CSMD2: variants seen among roughly 807,000 people sequenced by gnomAD.
CSMD2 encodes CUB and sushi domain-containing protein 2.
Under a neutral mutation model 398.5 loss-of-function variants are expected in CSMD2, and 130 were observed. That is an observed-to-expected ratio of 0.33 (90% CI 0.28 to 0.38). CSMD2 has a LOEUF of 0.38. Ranked by LOEUF, CSMD2 falls within the 10% of genes least tolerant of loss-of-function variation. CSMD2 has a pLI of 1.00. For missense variants in CSMD2, 3,829 were observed against 4,764.9 expected (o/e 0.80, Z 5.78); for synonymous variants, 1,828 against 1,908.5 (o/e 0.96, Z 1.10).
chr1:33,923,389 C>G (rs1254235430), intron 4 of CSMD2, among the ~76,000 whole-genome samples: 1 of 152,132 alleles, frequency 6.6e-6, no homozygotes, highest in East Asian at 1.9e-4. Context: ...TGCCTGCTCC[C>G]ACTTCACCTT....
intron 1 of CSMD2, among the ~76,000 whole-genome samples, chr1:34,103,329 C>T (rs1226409087): frequency 4.6e-5 from 6 of 129,552 alleles, no homozygotes; most frequent in African/African-American, 9.0e-5. Flanking sequence ...GCCAGATTCT[C>T]GCTCTGTCAA....
At chr1:33,995,372 A>G (rs1433201138) in intron 3 of CSMD2, among the ~76,000 whole-genome samples, 1 of 152,224 alleles carries the variant, frequency 6.6e-6, no homozygotes, top group African/African-American at 2.4e-5. Context: ...CACTGTCACC[A>G]TCAGAGGCTG....
At chr1:33,539,692 A>G (rs1408299068) in intron 60 of CSMD2, among the ~76,000 whole-genome samples, 4 of 152,190 alleles carry the variant, frequency 2.6e-5, no homozygotes, top group Non-Finnish European at 4.4e-5. Context: ...CATGATGACC[A>G]TAATTCATTG....
chr1:34,005,031 C>T (rs917525203), intron 3 of CSMD2, among the ~76,000 whole-genome samples: 1 of 152,198 alleles, frequency 6.6e-6, no homozygotes, highest in South Asian at 2.1e-4. Context: ...TAGAATCCCC[C>T]ACCACTTTCC....
At chr1:33,890,520 G>A (rs1211502722) in intron 5 of CSMD2, among the ~76,000 whole-genome samples, 3 of 152,094 alleles carry the variant, frequency 2.0e-5, no homozygotes, top group African/African-American at 4.8e-5. Context: ...ATGAGACACC[G>A]TGCCCTGCCT....
At chr1:33,975,672 G>C (rs1645936142) in intron 3 of CSMD2, among the ~76,000 whole-genome samples, 1 of 152,090 alleles carries the variant, frequency 6.6e-6, no homozygotes, top group Non-Finnish European at 1.5e-5. Context: ...ACCACCAGGG[G>C]GGAGGGGAGG....
At position 33,577,386 on chromosome 1, in the gene CSMD2, C is replaced by T. The variant is rs146054660; in HGVS notation, c.7486G>A (p.Gly2496Ser). Reference protein sequence around the residue: ...GGSIHFGCNAGYRLVGHSMAI... With the variant: ...GGSIHFGCNASYRLVGHSMAI... ...ATGCTGTGTCCCACCAGGCGGTAGC[C>T]GGCGTTGCAGCCAAAGTGGATGGAG... Residue 2496 changes from glycine (G) to serine (S), a missense_variant, in exon 49 of 71, where the codon GGC becomes AGC. Transcript: ENST00000373381. 79 of 1,614,132 alleles carry T rather than the reference C, an allele frequency of 4.9e-5. No homozygotes were observed. In the African/African-American group the frequency reaches 6.4e-4, roughly 13 times the overall value.
intron 58 of CSMD2, 30 bp from the exon 59 acceptor site, chr1:33,541,339 C>T (rs756284597): frequency 5.7e-6 from 9 of 1,588,266 alleles, no homozygotes; most frequent in South Asian, 1.1e-5. Flanking sequence ...GCATTGTTCA[C>T]TCCTGGCCAG....
At position 33,624,808 on chromosome 1, in the gene CSMD2, C is replaced by T. The variant is rs1642000012; in HGVS notation, c.5501-165G>A. ...TTCTCCACGGCCTCTCCCCATGCAA[C>T]TCTGTTCGGGGCCCTGGGCCCAGCT... On this transcript the variant is annotated intron_variant, in intron 34 of 70. Transcript: ENST00000373381. This position sits in a 1 kb window ranked among gnomAD's most constrained non-coding sequence, Gnocchi z 4.7. Among the ~76,000 whole-genome samples the T allele has an allele frequency of 6.6e-6, 1 of 152,170 alleles. No homozygotes were observed.
chr1:33,821,546 C>T (rs561375671), intron 7 of CSMD2, among the ~76,000 whole-genome samples: 1 of 152,264 alleles, frequency 6.6e-6, no homozygotes, highest in South Asian at 2.1e-4. Context: ...CGGCATTTTC[C>T]AACTTTGCGC....
At chr1:33,637,434 C>A (rs1359773933) in intron 29 of CSMD2, among the ~76,000 whole-genome samples, 1 of 152,176 alleles carries the variant, frequency 6.6e-6, no homozygotes, top group Non-Finnish European at 1.5e-5. Flanking sequence ...CAAACAAGAC[C>A]ACTCTTGACA....
At chr1:34,129,463 A>C (rs1374834816) in intron 1 of CSMD2, among the ~76,000 whole-genome samples, 2 of 152,226 alleles carry the variant, frequency 1.3e-5, no homozygotes, top group East Asian at 3.9e-4. Context: ...CATCCTGGCT[A>C]ACACGGTGAA....
chr1:33,647,572 T>G (rs1398858467), intron 28 of CSMD2, among the ~76,000 whole-genome samples: 1 of 152,174 alleles, frequency 6.6e-6, no homozygotes, highest in Non-Finnish European at 1.5e-5. Context: ...CAAAATAAAC[T>G]CACACTAACT....
At chr1:33,585,241 C>T (rs927423957) in intron 46 of CSMD2, among the ~76,000 whole-genome samples, 1 of 152,106 alleles carries the variant, frequency 6.6e-6, no homozygotes, top group African/African-American at 2.4e-5. Context: ...TTCTGGGACA[C>T]TGCTAAAAGG....
intron 3 of CSMD2, among the ~76,000 whole-genome samples, chr1:33,997,663 T>C (rs1453439034): frequency 1.3e-5 from 2 of 152,102 alleles, no homozygotes; most frequent in Non-Finnish European, 2.9e-5. Flanking sequence ...GAGAGCTCAT[T>C]TGAGTAATAA....
intron 1 of CSMD2, among the ~76,000 whole-genome samples, chr1:34,162,538 C>G (rs1201405900): frequency 6.6e-6 from 1 of 152,078 alleles, no homozygotes; most frequent in East Asian, 1.9e-4. Flanking sequence ...GCCAAACAGC[C>G]CATCTAAAGG....
chr1:33,767,921 T>C (rs1176406282), intron 13 of CSMD2, among the ~76,000 whole-genome samples: 1 of 152,194 alleles, frequency 6.6e-6, no homozygotes, highest in African/African-American at 2.4e-5. Flanking sequence ...GGGCAAGACT[T>C]GCAGCAAGAA....
At chr1:33,576,793 C>T (rs1180208788) in intron 49 of CSMD2, among the ~76,000 whole-genome samples, 2 of 151,028 alleles carry the variant, frequency 1.3e-5, no homozygotes, top group African/African-American at 4.9e-5. Context: ...TTTTCTTTTG[C>T]ATTATCTACC....
intron 2 of CSMD2, among the ~76,000 whole-genome samples, chr1:34,052,620 C>T (rs1412998985): frequency 1.3e-5 from 2 of 151,776 alleles, no homozygotes; most frequent in Non-Finnish European, 2.9e-5. Flanking sequence ...ACTAACACAG[C>T]TCATTTATAT....
Sources: allele counts gnomAD v4.1 joint callset (sites outside exome capture counted in the v4.1 genomes callset), GRCh38; gene constraint gnomAD v4.1.1; non-coding constraint Gnocchi (gnomAD v3.1); transcripts MANE v1.5; gene names NCBI Gene and HGNC (gene_info 2026-07-23, HGNC 2026-07-21).